Variants in PRDM16 observed in about 807,000 individuals in gnomAD.
The protein encoded by PRDM16 is PR/SET domain 16.
In PRDM16, 23 loss-of-function variants were observed where a neutral mutation model predicts 110.6. The observed-to-expected ratio is 0.21, with a 90% CI of 0.15 to 0.29. The LOEUF is 0.29. PRDM16 is among the 10% of genes least tolerant of loss of function. The pLI, the probability that PRDM16 is intolerant of heterozygous loss-of-function variation, is 1.00. For synonymous variants in PRDM16, 799 were observed against 781.8 expected, an observed-to-expected ratio of 1.02 and a Z score of -0.37; for missense variants, 1,615 against 1,794.3, an observed-to-expected ratio of 0.90 and a Z score of 1.81.
intron 3 of PRDM16, among the ~76,000 whole-genome samples, chr1:3,360,025 C>T (rs542248942): frequency 7.1e-5 from 10 of 140,508 alleles, no homozygotes; most frequent in African/African-American, 3.0e-4. Flanking sequence ...CATGCGTTCC[C>T]GTTAGCGGGC....
rs567078458 is a variant in PRDM16 at position 3,208,859 on chromosome 1, G to A, written c.387+22385G>A. On this transcript the variant is annotated intron_variant, in intron 2 of 16. Coordinates refer to ENST00000270722, the MANE Select transcript of PRDM16 (RefSeq NM_022114.4). This position sits in a 1 kb window ranked among gnomAD's most constrained non-coding sequence, Gnocchi z 6.1. ...AGCCATCTCCTCTTGCTCCCTGAGTGCCTGTCCAGAGGCCCCCCCAGGTCC... is the reference window on the plus strand; with the variant it reads ...AGCCATCTCCTCTTGCTCCCTGAGTACCTGTCCAGAGGCCCCCCCAGGTCC... Among the ~76,000 whole-genome samples, 2 of 152,246 alleles carry A rather than the reference G, an allele frequency of 1.3e-5. No homozygotes were observed. Among genetic ancestry groups the A allele is most frequent in the East Asian group, 3.9e-4 (2 of 5,162 alleles).
chr1:3,206,496 C>T lies in PRDM16; in HGVS notation c.387+20022C>T, dbSNP rs781720821. ...ATAGACGCACACGCCTTCACGCATC[C>T]TCAGAAAGTGATGTTGCTGAGTGAA... On this transcript the variant is annotated intron_variant, in intron 2 of 16. Coordinates refer to ENST00000270722, the MANE Select transcript of PRDM16 (RefSeq NM_022114.4). This position sits in a 1 kb window ranked among gnomAD's most constrained non-coding sequence, Gnocchi z 4.9. 1 of 152,178 alleles carries T rather than the reference C, an allele frequency of 6.6e-6. No homozygotes were observed. Among genetic ancestry groups the T allele is most frequent in the Non-Finnish European group, 1.5e-5 (1 of 68,018 alleles). The allele number at this position is 152,178 out of a possible 1,614,324, so 9.4% of individuals were successfully genotyped here.
intron 3 of PRDM16, among the ~76,000 whole-genome samples, chr1:3,264,232 G>A (rs190297081): frequency 1.1e-4 from 16 of 152,330 alleles, no homozygotes; most frequent in Admixed American, 3.3e-4. Flanking sequence ...TCTGCGGAGG[G>A]GCCTTAAGGG....
chr1:3,438,443 A>T lies in PRDM16; in HGVS notation c.*4632A>T. The T allele has an allele frequency of 4.9e-6, 1 of 204,540 alleles. No individual in the cohort carries two copies. Among genetic ancestry groups the T allele is most frequent in the East Asian group, 7.5e-5 (1 of 13,380 alleles). 12.7% of individuals were successfully genotyped at this position (204,540 alleles called of 1,614,324 possible). A position where few individuals can be genotyped will look rare whatever the true frequency, so the allele number is the denominator to read the frequency against. On this transcript the variant is annotated 3_prime_UTR_variant, in exon 17 of 17. Transcript: ENST00000270722. ...GAACAATTTTGCAAATTGCATTCTG[A>T]TGCTTGTGATGAACACAAATGTACT... is the stretch of plus-strand genomic sequence containing the variant.
rs568762437 is a variant in PRDM16, at chr1:3,205,700, G to A, written c.387+19226G>A. Among the ~76,000 whole-genome samples, 35 of 152,274 alleles carry A rather than the reference G, an allele frequency of 2.3e-4. No homozygotes were observed. In the South Asian group the frequency reaches 7.1e-3, roughly 31 times the overall value. On this transcript the variant is annotated intron_variant, in intron 2 of 16. Transcript: ENST00000270722. ...GGAATCTGGTTATGAGGGCGGGCTC[G>A]GTGGAGGTAAAGGGAAGGTGGTATG...
intron 3 of PRDM16, among the ~76,000 whole-genome samples, chr1:3,253,207 A>AATT (rs566477762): frequency 6.7e-4 from 102 of 151,688 alleles, no homozygotes; most frequent in African/African-American, 3.9e-4. Flanking sequence ...AATTTAATTT[A>AATT]ATTATTATTA....
intron 2 of PRDM16, among the ~76,000 whole-genome samples, chr1:3,211,787 G>A (rs1192358745): frequency 6.6e-6 from 1 of 152,244 alleles, no homozygotes; most frequent in African/African-American, 2.4e-5. Flanking sequence ...TGGCCTTGCA[G>A]CACGAGCGTG....
chr1:3,119,010 C>T (rs1557461332), intron 1 of PRDM16, among the ~76,000 whole-genome samples: 1 of 152,226 alleles, frequency 6.6e-6, no homozygotes, highest in East Asian at 1.9e-4. Context: ...GACCCCAGAG[C>T]AGGCAGGGTG....
At chr1:3,089,492 G>T (rs1297290263) in intron 1 of PRDM16, among the ~76,000 whole-genome samples, 1 of 152,258 alleles carries the variant, frequency 6.6e-6, no homozygotes, top group Non-Finnish European at 1.5e-5. Flanking sequence ...TCAGAGCACA[G>T]TAGCCTGTCA....
intron 3 of PRDM16, among the ~76,000 whole-genome samples, chr1:3,303,095 C>G (rs1370673143): frequency 1.3e-5 from 2 of 152,148 alleles, no homozygotes; most frequent in Non-Finnish European, 2.9e-5. Flanking sequence ...ACGTAATTCA[C>G]ATACCATATA....
At chr1:3,180,984 A>G (rs914822030) in intron 1 of PRDM16, among the ~76,000 whole-genome samples, 5,702 of 141,944 alleles carry the variant, frequency 0.04, 363 homozygotes, top group Non-Finnish European at 0.061. Flanking sequence ...TTACACACGC[A>G]GTCTTACACA....
chr1:3,141,308 C>T, intron 1 of PRDM16, among the ~76,000 whole-genome samples: 1 of 152,292 alleles, frequency 6.6e-6, no homozygotes, highest in Middle Eastern at 3.4e-3. Flanking sequence ...GTCAGCTCAG[C>T]ATCAATCTCG....
At chr1:3,391,402 G>T (rs552964148) in intron 4 of PRDM16, among the ~76,000 whole-genome samples, 1 of 152,110 alleles carries the variant, frequency 6.6e-6, no homozygotes, top group Non-Finnish European at 1.5e-5. Context: ...CGTCTGAACC[G>T]CTACGCAAAC....
intron 3 of PRDM16, among the ~76,000 whole-genome samples, chr1:3,368,352 A>C (rs1450136841): frequency 6.6e-6 from 1 of 152,158 alleles, no homozygotes; most frequent in Non-Finnish European, 1.5e-5. Context: ...GAGTGCTATG[A>C]TTGAGCCCTG....
chr1:3,083,113 A>G (rs934406513), intron 1 of PRDM16, among the ~76,000 whole-genome samples: 2 of 152,180 alleles, frequency 1.3e-5, no homozygotes, highest in East Asian at 1.9e-4. Context: ...TTCACTGGCC[A>G]AAGACAGGCT....
At chr1:3,112,723 C>T (rs1642825790) in intron 1 of PRDM16, among the ~76,000 whole-genome samples, 2 of 152,260 alleles carry the variant, frequency 1.3e-5, no homozygotes, top group Admixed American at 6.5e-5. Flanking sequence ...GGCAGCTGCT[C>T]CCCGGTGAGG....
At chr1:3,402,455 G>A (rs72633323) in intron 5 of PRDM16, among the ~76,000 whole-genome samples, 16,455 of 152,304 alleles carry the variant, frequency 0.11, 963 homozygotes, top group Non-Finnish European at 0.14. Context: ...CACTTGGCCC[G>A]GCTTCCTCCT....
rs547954035 is a variant in PRDM16, at chr1:3,083,687, AG to A, written c.37+14396del. 3.8e-3 allele frequency among the ~76,000 whole-genome samples: 574 copies of A among 151,516 alleles called. 3 individuals are homozygous for A. Among genetic ancestry groups the A allele is most frequent in the Non-Finnish European group, 6.9e-3 (471 of 67,878 alleles). On this transcript the variant is annotated intron_variant, in intron 1 of 16. Coordinates refer to ENST00000270722, the MANE Select transcript of PRDM16 (RefSeq NM_022114.4). Reference sequence around the variant, plus strand: ...GGGGGTTTCCTGTTAGTTTTGTTCCAGGGGGTTGGGGGTGTTGTTTATCAGA... The same window carrying A: ...GGGGGTTTCCTGTTAGTTTTGTTCCAGGGGTTGGGGGTGTTGTTTATCAGA...
At chr1:3,074,207 G>A (rs1184131425) in intron 1 of PRDM16, among the ~76,000 whole-genome samples, 2 of 152,198 alleles carry the variant, frequency 1.3e-5, no homozygotes, top group East Asian at 3.9e-4. Context: ...ACTGACCCTG[G>A]GAAGACAGAG....
Sources: allele counts gnomAD v4.1 joint callset (sites outside exome capture counted in the v4.1 genomes callset), GRCh38; gene constraint gnomAD v4.1.1; non-coding constraint Gnocchi (gnomAD v3.1); transcripts MANE v1.5; gene names NCBI Gene and HGNC (gene_info 2026-07-23, HGNC 2026-07-21).